Variants in BTBD9 observed in about 807,000 individuals in gnomAD.
BTBD9 encodes BTB/POZ domain-containing protein 9.
A neutral mutation model predicts 64.3 loss-of-function variants in BTBD9; 49 were observed. The observed-to-expected ratio is 0.76, with a 90% CI of 0.61 to 0.97. BTBD9 has a LOEUF of 0.97. Ranked by LOEUF, BTBD9 falls within the 50% of genes least tolerant of loss-of-function variation. The probability of loss-of-function intolerance (pLI) is 0.00; values close to 1 mark genes in which losing one functional copy is unlikely to be tolerated. For missense variants in BTBD9, 598 were observed against 762.1 expected (o/e 0.78, Z 2.53); for synonymous variants, 260 against 274.7 (o/e 0.95, Z 0.53).
intron 6 of BTBD9, among the ~76,000 whole-genome samples, chr6:38,511,791 G>A (rs1386157358): frequency 6.6e-6 from 1 of 152,144 alleles, no homozygotes; most frequent in Non-Finnish European, 1.5e-5. Context: ...AAGGCAAAAG[G>A]TAAAGATTTG....
At chr6:38,632,703 T>C (rs1421302821) in intron 1 of BTBD9, among the ~76,000 whole-genome samples, 1 of 152,076 alleles carries the variant, frequency 6.6e-6, no homozygotes, top group Non-Finnish European at 1.5e-5. Context: ...AGGCCAAAGT[T>C]GGAGGATCCC....
chr6:38,577,663 A>G lies in BTBD9; in HGVS notation c.1091T>C (p.Ile364Thr). 6.2e-7 allele frequency: 1 copy of G among 1,610,852 alleles called. No homozygotes were observed. The highest frequency in any genetic ancestry group is 8.5e-7 in the Non-Finnish European group (1 of 1,179,460). Residue 364 changes from isoleucine to threonine, a missense_variant, in exon 6 of 11, where the codon ATA becomes ACA. Physicochemically the swap from Ile to Thr is moderately conservative, Grantham distance 89. Transcript: ENST00000481247. ...ACGACACAGATATTGTGAATGATCTATCACTCTGACCCAATCAAGTTCATC... is the reference window on the plus strand; with the variant it reads ...ACGACACAGATATTGTGAATGATCTGTCACTCTGACCCAATCAAGTTCATC... Reference protein sequence around the residue: ...SMDELDWVRVIDHSQYLCRSW... With the variant: ...SMDELDWVRVTDHSQYLCRSW...
At chr6:38,299,004 C>A (rs1762275412) in intron 7 of BTBD9, among the ~76,000 whole-genome samples, 1 of 152,092 alleles carries the variant, frequency 6.6e-6, no homozygotes, top group Non-Finnish European at 1.5e-5. Context: ...TATCCCTCTC[C>A]CCATCCCCCA....
At chr6:38,591,831 T>C (rs1562387274) in intron 4 of BTBD9, among the ~76,000 whole-genome samples, 1 of 152,192 alleles carries the variant, frequency 6.6e-6, no homozygotes, top group Non-Finnish European at 1.5e-5. Flanking sequence ...GTATCATAAG[T>C]GTTAGCTACC....
intron 6 of BTBD9, among the ~76,000 whole-genome samples, chr6:38,445,258 C>T (rs1029443139): frequency 2.0e-5 from 3 of 152,226 alleles, no homozygotes; most frequent in African/African-American, 7.2e-5. Flanking sequence ...CCTATTCTGA[C>T]TGATATAGTA....
intron 6 of BTBD9, among the ~76,000 whole-genome samples, chr6:38,505,978 A>AAAC (rs1772486685): frequency 6.6e-6 from 1 of 150,456 alleles, no homozygotes; most frequent in Non-Finnish European, 1.5e-5. Flanking sequence ...AAAAAAAAAA[A>AAAC]AAAAAAGGAA....
intron 7 of BTBD9, among the ~76,000 whole-genome samples, chr6:38,320,620 C>A (rs73422846): frequency 0.031 from 4,713 of 152,206 alleles, 223 homozygotes; most frequent in African/African-American, 0.11. Flanking sequence ...GCCATTTAAC[C>A]ATTCTGTGAC....
chr6:38,630,383 G>A (rs1267094229), intron 1 of BTBD9, among the ~76,000 whole-genome samples: 3 of 152,162 alleles, frequency 2.0e-5, no homozygotes, highest in Admixed American at 2.0e-4. Flanking sequence ...AAGCCTATAG[G>A]TTAGCTACAA....
chr6:38,439,146 G>GTTTTTTTTTTTTTTTT (rs1768900998), intron 6 of BTBD9, among the ~76,000 whole-genome samples: 1 of 118,136 alleles, frequency 8.5e-6, no homozygotes, highest in African/African-American at 3.5e-5. Flanking sequence ...GTGAGATGGA[G>GTTTTTTTTTTTTTTTT]TTTTGCTTTT....
chr6:38,375,103 G>C (rs1302448383), intron 6 of BTBD9, among the ~76,000 whole-genome samples: 30 of 152,278 alleles, frequency 2.0e-4, no homozygotes, highest in Non-Finnish European at 8.8e-5. Context: ...AAGAAGTCAG[G>C]AGGCAAGATG....
chr6:38,220,790 A>G (rs1763173550), intron 9 of BTBD9, among the ~76,000 whole-genome samples: 1 of 152,238 alleles, frequency 6.6e-6, no homozygotes, highest in African/African-American at 2.4e-5. Flanking sequence ...ATGTCACACC[A>G]AGCACCATCG....
intron 1 of BTBD9, among the ~76,000 whole-genome samples, chr6:38,630,649 G>A (rs565083183): frequency 6.6e-6 from 1 of 152,272 alleles, no homozygotes; most frequent in South Asian, 2.1e-4. Context: ...TTAAAAACTA[G>A]AATAAAAGAG....
chr6:38,460,104 G>C lies in BTBD9; in HGVS notation c.1155-115011C>G, dbSNP rs77441677. On this transcript the variant is annotated intron_variant, in intron 6 of 10. Transcript: ENST00000481247. ...TACAATTATTTCGGGGAGATAATCT[G>C]TTTGCTTATATTTTAACACCTAAGT... Among the ~76,000 whole-genome samples the C allele has an allele frequency of 2.8e-3, 420 of 152,292 alleles. 2 individuals carry two copies. Among genetic ancestry groups the C allele is most frequent in the Non-Finnish European group, 5.4e-3 (365 of 68,024 alleles).
chr6:38,295,191 G>A (rs1224441032), intron 7 of BTBD9, among the ~76,000 whole-genome samples: 1 of 151,980 alleles, frequency 6.6e-6, no homozygotes, highest in Non-Finnish European at 1.5e-5. Context: ...TTGAGACACG[G>A]TCTCATTCTG....
chr6:38,505,115 A>T (rs1772406065), intron 6 of BTBD9, among the ~76,000 whole-genome samples: 1 of 151,866 alleles, frequency 6.6e-6, no homozygotes. Flanking sequence ...TGCTTTCTCA[A>T]TTTTTTCTTA....
chr6:38,432,324 TG>T (rs1266214071), intron 6 of BTBD9, among the ~76,000 whole-genome samples: 1 of 152,038 alleles, frequency 6.6e-6, no homozygotes, highest in African/African-American at 2.4e-5. Context: ...GACTTCATCT[TG>T]CCTCTAGCCT....
intron 5 of BTBD9, among the ~76,000 whole-genome samples, chr6:38,579,528 A>G (rs182289159): frequency 3.4e-4 from 52 of 152,358 alleles, no homozygotes; most frequent in African/African-American, 1.2e-3. Context: ...GAAAGGCAGA[A>G]TTCTGAAGCC....
At chr6:38,527,062 G>T (rs1428794544) in intron 6 of BTBD9, among the ~76,000 whole-genome samples, 1 of 151,840 alleles carries the variant, frequency 6.6e-6, no homozygotes, top group Non-Finnish European at 1.5e-5. Flanking sequence ...ATCATCTGAG[G>T]TCAAGAGTTT....
intron 7 of BTBD9, among the ~76,000 whole-genome samples, chr6:38,295,168 A>ATTG (rs1469869850): frequency 1.3e-5 from 2 of 151,692 alleles, no homozygotes; most frequent in Non-Finnish European, 2.9e-5. Context: ...AAATTCTATT[A>ATTG]TTGTTGTTGT....
Sources: gnomAD v4.1 joint callset for allele counts (sites outside exome capture counted in the v4.1 genomes callset) on GRCh38, gnomAD v4.1.1 for gene constraint, MANE v1.5 for transcripts, NCBI Gene and HGNC (gene_info 2026-07-23, HGNC 2026-07-21) for gene names.